The following PRKG1 variants were observed in gnomAD, a reference collection of about 807,000 sequenced individuals.
PRKG1 encodes the protein protein kinase cGMP-dependent 1.
A neutral mutation model predicts 88.1 loss-of-function variants in PRKG1; 35 were observed. The observed-to-expected ratio is 0.40, with a 90% confidence interval of 0.30 to 0.53. The LOEUF (loss-of-function observed/expected upper bound fraction) is 0.53, where lower values mean the gene tolerates loss of function less well. Among genes scored for constraint, PRKG1 ranks in the 20% least tolerant of loss-of-function variants. PRKG1 has a pLI of 0.59. For missense variants in PRKG1, 540 were observed against 839.8 expected (o/e 0.64, Z 4.41); for synonymous variants, 303 against 292.5 (o/e 1.04, Z -0.37).
chr10:52,148,092 A>T (rs2132661752), intron 8 of PRKG1, among the ~76,000 whole-genome samples: 1 of 152,320 alleles, frequency 6.6e-6, no homozygotes, highest in South Asian at 2.1e-4. Context: ...AGTTCTAATA[A>T]AAATCAGACT....
At chr10:51,998,789 C>T (rs192054145) in intron 5 of PRKG1, among the ~76,000 whole-genome samples, 2 of 152,242 alleles carry the variant, frequency 1.3e-5, no homozygotes, top group Non-Finnish European at 2.9e-5. Flanking sequence ...CATTCAGCAT[C>T]TTTTAAAATT....
intron 3 of PRKG1, among the ~76,000 whole-genome samples, chr10:51,482,925 T>A (rs1237953708): frequency 6.6e-6 from 1 of 152,132 alleles, no homozygotes; most frequent in Non-Finnish European, 1.5e-5. Context: ...ATTGTTATAA[T>A]GTCTTCCTGT....
chr10:51,570,204 G>A (rs984290838), intron 3 of PRKG1, among the ~76,000 whole-genome samples: 3 of 151,248 alleles, frequency 2.0e-5, no homozygotes, highest in Non-Finnish European at 4.4e-5. Flanking sequence ...CGCACAGCCC[G>A]CACAGCTGAA....
intron 2 of PRKG1, among the ~76,000 whole-genome samples, chr10:51,441,719 A>G (rs1839112662): frequency 6.6e-6 from 1 of 151,962 alleles, no homozygotes; most frequent in South Asian, 2.1e-4. Flanking sequence ...AATTTTGCTC[A>G]TTTATAAAAT....
chr10:51,552,308 T>C (rs549789168), intron 3 of PRKG1, among the ~76,000 whole-genome samples: 1 of 151,798 alleles, frequency 6.6e-6, no homozygotes, highest in South Asian at 2.1e-4. Flanking sequence ...TTCTATTTAG[T>C]ATACATTTAG....
At chr10:51,634,742 T>C (rs553137601) in intron 3 of PRKG1, among the ~76,000 whole-genome samples, 1 of 152,230 alleles carries the variant, frequency 6.6e-6, no homozygotes, top group African/African-American at 2.4e-5. Context: ...TTTCATGGAA[T>C]ACTACACAGC....
At chr10:50,996,954 A>G (rs1024232706) in intron 1 of PRKG1, among the ~76,000 whole-genome samples, 1 of 152,192 alleles carries the variant, frequency 6.6e-6, no homozygotes, top group African/African-American at 2.4e-5. Flanking sequence ...GGGAAAGGAA[A>G]ATTTTTAGGC....
intron 3 of PRKG1, among the ~76,000 whole-genome samples, chr10:51,646,862 T>C (rs1327875286): frequency 1.3e-5 from 2 of 152,052 alleles, no homozygotes; most frequent in African/African-American, 4.8e-5. Context: ...AAAGTACTTA[T>C]ATATGGCCAC....
chr10:52,020,501 GAGA>G (rs139291629), intron 5 of PRKG1, among the ~76,000 whole-genome samples: 2,785 of 152,260 alleles, frequency 0.018, 68 homozygotes, highest in African/African-American at 0.058. Flanking sequence ...GCAAGTTTCA[GAGA>G]AGGAGTGGAA....
At chr10:51,428,108 T>C (rs1290015220) in intron 2 of PRKG1, among the ~76,000 whole-genome samples, 1 of 152,194 alleles carries the variant, frequency 6.6e-6, no homozygotes, top group African/African-American at 2.4e-5. Context: ...CTAGAATTGA[T>C]GTTGAGTTAG....
intron 2 of PRKG1, among the ~76,000 whole-genome samples, chr10:51,367,405 T>C (rs544919157): frequency 2.0e-5 from 3 of 152,090 alleles, no homozygotes; most frequent in African/African-American, 7.2e-5. Flanking sequence ...TGTGTCGATA[T>C]GCAGAAGTAG....
intron 2 of PRKG1, among the ~76,000 whole-genome samples, chr10:51,291,682 T>C (rs905278893): frequency 2.0e-5 from 3 of 152,144 alleles, no homozygotes; most frequent in Non-Finnish European, 4.4e-5. Context: ...AAGAGTGTTC[T>C]GTAAAAAGAG....
intron 2 of PRKG1, among the ~76,000 whole-genome samples, chr10:51,355,967 A>G (rs569981903): frequency 6.6e-6 from 1 of 152,066 alleles, no homozygotes; most frequent in Non-Finnish European, 1.5e-5. Context: ...GAGCTACAGC[A>G]CTGCTAATGT....
rs545122609 is a variant in PRKG1, at chr10:51,893,667, G to A, written c.699-13840G>A. Reference sequence around the variant, plus strand: ...TATAGCATTACAGAAGCTAAATGACGTGTTCCTTTAATTGAGTGCTTACCC... The same window carrying A: ...TATAGCATTACAGAAGCTAAATGACATGTTCCTTTAATTGAGTGCTTACCC... On this transcript the variant is annotated intron_variant, in intron 4 of 17. Transcript: ENST00000373980. Among the ~76,000 whole-genome samples, 8 of 152,276 alleles carry A rather than the reference G, an allele frequency of 5.3e-5. No individual in the cohort carries two copies. The East Asian group carries it at 5.8e-4, about 11-fold the overall frequency.
At chr10:51,152,920 G>A (rs571674830) in intron 1 of PRKG1, among the ~76,000 whole-genome samples, 81 of 149,532 alleles carry the variant, frequency 5.4e-4, no homozygotes, top group African/African-American at 1.9e-3. Context: ...TGGTTGGTTG[G>A]TTGGTAGGTC....
Position 51,804,448 on chromosome 10 carries a change from T to C in PRKG1, c.593-137T>C, listed in dbSNP as rs1378142750. On this transcript the variant is annotated intron_variant, in intron 3 of 17. Transcript: ENST00000373980. ...AATGAAATAGGATAGCATTGTGATA[T>C]TAGCTTTAAATGTTTGTAAAAAGTC... The C allele has an allele frequency of 7.9e-6, 5 of 631,978 alleles. No homozygotes were observed. The Admixed American group carries it at 1.4e-4, about 18-fold the overall frequency. 39.1% of individuals were successfully genotyped at this position (631,978 alleles called of 1,614,324 possible).
At chr10:51,891,159 G>A (rs1475060417) in intron 4 of PRKG1, among the ~76,000 whole-genome samples, 1 of 152,130 alleles carries the variant, frequency 6.6e-6, no homozygotes, top group Non-Finnish European at 1.5e-5. Flanking sequence ...AGCTACTTGG[G>A]AGGCTGAAGC....
intron 3 of PRKG1, among the ~76,000 whole-genome samples, chr10:51,689,662 C>A (rs191314701): frequency 6.6e-6 from 1 of 152,158 alleles, no homozygotes; most frequent in Non-Finnish European, 1.5e-5. Flanking sequence ...TTTAAATTTA[C>A]GTTTGCTTTG....
intron 10 of PRKG1, among the ~76,000 whole-genome samples, chr10:52,264,141 A>G (rs976212890): frequency 6.6e-6 from 1 of 151,334 alleles, no homozygotes; most frequent in Non-Finnish European, 1.5e-5. Flanking sequence ...CTGAACGTAG[A>G]ATCTAAGGCC....
Sources: allele counts gnomAD v4.1 joint callset (sites outside exome capture counted in the v4.1 genomes callset), GRCh38; gene constraint gnomAD v4.1.1; transcripts MANE v1.5; gene names NCBI Gene and HGNC (gene_info 2026-07-23, HGNC 2026-07-21).